Variants in PAM observed in about 807,000 individuals in gnomAD.
PAM encodes peptidyl-glycine alpha-amidating monooxygenase.
A neutral mutation model predicts 122.1 loss-of-function variants in PAM; 72 were observed. That is an observed-to-expected ratio of 0.59 (90% CI 0.49 to 0.72). The LOEUF (loss-of-function observed/expected upper bound fraction) is 0.72, where lower values mean the gene tolerates loss of function less well. Ranked by LOEUF, PAM falls within the 30% of genes least tolerant of loss-of-function variation. The pLI, the probability that PAM is intolerant of heterozygous loss-of-function variation, is 0.00. For synonymous variants in PAM, 389 were observed against 404.4 expected, an observed-to-expected ratio of 0.96 and a Z score of 0.46; for missense variants, 1,106 against 1,183.7, an observed-to-expected ratio of 0.93 and a Z score of 0.96.
intron 1 of PAM, among the ~76,000 whole-genome samples, chr5:102,786,789 AT>A (rs1023983860): frequency 1.3e-5 from 2 of 152,166 alleles, no homozygotes; most frequent in African/African-American, 4.8e-5. Context: ...CAAATCAATA[AT>A]TTACTTGAAA....
At chr5:102,878,260 TATA>T (rs1304925527) in intron 3 of PAM, among the ~76,000 whole-genome samples, 1 of 152,170 alleles carries the variant, frequency 6.6e-6, no homozygotes, top group African/African-American at 2.4e-5. Context: ...GACTGAAGAT[TATA>T]ATGGAGCTGA....
Position 103,009,629 on chromosome 5 carries a change from T to C in PAM, c.2216-122T>C, listed in dbSNP as rs76754112. The C allele has an allele frequency of 1.4e-3, 836 of 605,270 alleles. 8 individuals carry two copies. The highest frequency in any genetic ancestry group is 0.013 in the African/African-American group (683 of 52,748). 37.5% of individuals were successfully genotyped at this position (605,270 alleles called of 1,614,324 possible). On this transcript the variant is annotated intron_variant, in intron 20 of 25. Transcript: ENST00000438793. Reference sequence around the variant, plus strand: ...CACTAAGTATTTTATATTCTACTTTTGTTGCCAATTGTAGGGACCAGGTTG... The same window carrying C: ...CACTAAGTATTTTATATTCTACTTTCGTTGCCAATTGTAGGGACCAGGTTG...
intron 1 of PAM, among the ~76,000 whole-genome samples, chr5:102,859,270 G>A (rs1009253061): frequency 2.0e-5 from 3 of 151,874 alleles, no homozygotes; most frequent in African/African-American, 7.3e-5. Flanking sequence ...AAGACCTTCT[G>A]GTGGGACAAG....
chr5:103,023,800 C>T (rs865917025), intron 23 of PAM, among the ~76,000 whole-genome samples: 2 of 152,048 alleles, frequency 1.3e-5, no homozygotes, highest in South Asian at 2.1e-4. Flanking sequence ...TTAAAGGAAA[C>T]GATGCCTGAC....
intron 3 of PAM, among the ~76,000 whole-genome samples, chr5:102,897,496 G>GTTATTT (rs1220395756): frequency 6.6e-6 from 1 of 151,586 alleles, no homozygotes; most frequent in Non-Finnish European, 1.5e-5. Flanking sequence ...ATCTTTCACA[G>GTTATTT]TTATTTTTAT....
At chr5:102,912,864 G>A (rs1801842865) in intron 4 of PAM, among the ~76,000 whole-genome samples, 4 of 151,986 alleles carry the variant, frequency 2.6e-5, no homozygotes, top group Admixed American at 2.6e-4. Flanking sequence ...TGTCTCTTCT[G>A]AAAGTTATAA....
chr5:102,883,041 T>G (rs920251521), intron 3 of PAM, among the ~76,000 whole-genome samples: 8 of 152,040 alleles, frequency 5.3e-5, no homozygotes, highest in Non-Finnish European at 2.9e-5. Flanking sequence ...TATTTGGGTT[T>G]ATTTCTGGGT....
At chr5:102,964,125 A>C (rs572358884) in intron 14 of PAM, among the ~76,000 whole-genome samples, 3 of 151,978 alleles carry the variant, frequency 2.0e-5, no homozygotes, top group African/African-American at 7.2e-5. Flanking sequence ...AAATTCAAAG[A>C]AAGTTAGTGA....
At chr5:103,009,427 T>C (rs1200622301) in intron 20 of PAM, among the ~76,000 whole-genome samples, 1 of 152,158 alleles carries the variant, frequency 6.6e-6, no homozygotes, top group Non-Finnish European at 1.5e-5. Flanking sequence ...CCCCAATTCC[T>C]ATTTAGGATG....
At chr5:102,811,564 A>G (rs536751301) in intron 1 of PAM, among the ~76,000 whole-genome samples, 1 of 152,284 alleles carries the variant, frequency 6.6e-6, no homozygotes, top group East Asian at 1.9e-4. Context: ...ACATCTGCAA[A>G]GTCCTTTCGG....
At chr5:102,910,735 T>G (rs1281222744) in intron 4 of PAM, among the ~76,000 whole-genome samples, 1 of 151,952 alleles carries the variant, frequency 6.6e-6, no homozygotes, top group Non-Finnish European at 1.5e-5. Context: ...CACACTGAAA[T>G]GCAGTTGTTT....
intron 3 of PAM, among the ~76,000 whole-genome samples, chr5:102,884,992 G>A (rs1426040393): frequency 1.3e-5 from 2 of 151,610 alleles, no homozygotes; most frequent in Admixed American, 1.3e-4. Context: ...TTTACAAAGG[G>A]CAAATGATGT....
chr5:102,870,578 G>A (rs1351040598), intron 3 of PAM, among the ~76,000 whole-genome samples: 1 of 152,120 alleles, frequency 6.6e-6, no homozygotes, highest in Non-Finnish European at 1.5e-5. Flanking sequence ...ATTATCTGTT[G>A]CAATATCAAT....
At chr5:102,770,484 G>A (rs1415414299) in intron 1 of PAM, among the ~76,000 whole-genome samples, 1 of 152,028 alleles carries the variant, frequency 6.6e-6, no homozygotes, top group Non-Finnish European at 1.5e-5. Context: ...CATCCAGTAA[G>A]ATACTAGCTG....
intron 5 of PAM, among the ~76,000 whole-genome samples, chr5:102,921,793 A>G (rs1010916379): frequency 6.6e-6 from 1 of 152,148 alleles, no homozygotes. Context: ...ATCTCCACAT[A>G]ATATCATTCT....
intron 1 of PAM, among the ~76,000 whole-genome samples, chr5:102,797,579 T>G (rs1475335838): frequency 1.3e-5 from 2 of 152,164 alleles, no homozygotes; most frequent in Non-Finnish European, 2.9e-5. Flanking sequence ...TTTTGCATAA[T>G]GAAGCACAAT....
intron 22 of PAM, among the ~76,000 whole-genome samples, chr5:103,017,824 G>A (rs1031494361): frequency 1.3e-5 from 2 of 152,058 alleles, no homozygotes; most frequent in Non-Finnish European, 2.9e-5. Flanking sequence ...ACCAGCATCC[G>A]TTTGAGACAT....
At chr5:102,955,856 G>C (rs1760551737) in intron 12 of PAM, among the ~76,000 whole-genome samples, 1 of 151,754 alleles carries the variant, frequency 6.6e-6, no homozygotes, top group Admixed American at 6.6e-5. Context: ...TAGGAATACA[G>C]AAAGCAATTT....
chr5:102,962,352 T>G (rs1582230966), intron 14 of PAM, among the ~76,000 whole-genome samples: 1 of 151,978 alleles, frequency 6.6e-6, no homozygotes, highest in South Asian at 2.1e-4. Context: ...TGTTTATATA[T>G]TTGTAAGTAA....
Sources: gnomAD v4.1 joint callset for allele counts (sites outside exome capture counted in the v4.1 genomes callset) on GRCh38, gnomAD v4.1.1 for gene constraint, MANE v1.5 for transcripts, NCBI Gene and HGNC (gene_info 2026-07-23, HGNC 2026-07-21) for gene names.